WDR33: variants seen among roughly 807,000 people sequenced by gnomAD.
WDR33 encodes the protein pre-mRNA 3' end processing protein WDR33.
In WDR33, 47 loss-of-function variants were observed where a neutral mutation model predicts 164.9. The ratio of observed to expected loss-of-function variants is 0.29; its 90% CI spans 0.23 to 0.36. The LOEUF (loss-of-function observed/expected upper bound fraction) is 0.36, where lower values mean the gene tolerates loss of function less well. Among genes scored for constraint, WDR33 ranks in the 10% least tolerant of loss-of-function variants. The pLI, the probability that WDR33 is intolerant of heterozygous loss-of-function variation, is 1.00. For missense variants in WDR33, 1,137 were observed against 1,754.1 expected, an observed-to-expected ratio of 0.65 and a Z score of 6.28; for synonymous variants, 505 against 589.0, an observed-to-expected ratio of 0.86 and a Z score of 2.06.
At chr2:127,782,223 ATG>A (rs1688396690) in intron 1 of WDR33, among the ~76,000 whole-genome samples, 1 of 152,094 alleles carries the variant, frequency 6.6e-6, no homozygotes, top group African/African-American at 2.4e-5. Flanking sequence ...CCTGACCAAC[ATG>A]GTGACACCCT....
Position 127,706,285 on chromosome 2 carries a change from A to G in WDR33, c.*38T>C. The stretch of plus-strand genomic sequence containing the variant: ...GTGAGTCCACAAGAAGTTCTTACAT[A>G]CTGTCCAGAGAGGCCTCAGGGTACT... On this transcript the variant is annotated 3_prime_UTR_variant, in exon 22 of 22. Transcript: ENST00000322313. The surrounding 1 kb of genome is among the most constrained non-coding windows in gnomAD (Gnocchi z 5.1). 1 of 1,481,366 alleles carries G rather than the reference A, an allele frequency of 6.8e-7. No homozygotes were observed. Among genetic ancestry groups the G allele is most frequent in the Non-Finnish European group, 9.0e-7 (1 of 1,112,710 alleles). 91.8% of individuals were successfully genotyped at this position (1,481,366 alleles called of 1,614,324 possible).
chr2:127,781,953 G>A (rs1441071676), intron 1 of WDR33, among the ~76,000 whole-genome samples: 1 of 143,696 alleles, frequency 7.0e-6, no homozygotes, highest in Non-Finnish European at 1.5e-5. Context: ...AGCCAAGATT[G>A]CGCCATTGCA....
At chr2:127,761,879 A>G (rs1376128830) in intron 7 of WDR33, among the ~76,000 whole-genome samples, 1 of 152,220 alleles carries the variant, frequency 6.6e-6, no homozygotes, top group Non-Finnish European at 1.5e-5. Flanking sequence ...AGTACTGTGG[A>G]TAAACCCAAA....
chr2:127,782,093 A>G (rs980604721), intron 1 of WDR33, among the ~76,000 whole-genome samples: 1 of 151,094 alleles, frequency 6.6e-6, no homozygotes, highest in Non-Finnish European at 1.5e-5. Flanking sequence ...AAATTTGTGG[A>G]TCACTAAACT....
intron 1 of WDR33, among the ~76,000 whole-genome samples, chr2:127,788,516 G>C (rs1415860396): frequency 1.7e-4 from 17 of 99,078 alleles, no homozygotes; most frequent in African/African-American, 4.3e-4. Flanking sequence ...CTGGCCGGGT[G>C]GGGGGGCTGA....
At chr2:127,788,298 G>T (rs1573462907) in intron 1 of WDR33, among the ~76,000 whole-genome samples, 4 of 117,246 alleles carry the variant, frequency 3.4e-5, no homozygotes, top group Non-Finnish European at 5.5e-5. Context: ...GCGGGGGGCT[G>T]ACCCCCCCAC....
At chr2:127,752,740 T>C (rs931665140) in intron 7 of WDR33, among the ~76,000 whole-genome samples, 1 of 152,162 alleles carries the variant, frequency 6.6e-6, no homozygotes, top group Non-Finnish European at 1.5e-5. Context: ...AAAACATTTC[T>C]GAAGAAATAA....
intron 1 of WDR33, among the ~76,000 whole-genome samples, chr2:127,810,059 C>CACACATAT (rs1316124717): frequency 3.9e-5 from 4 of 103,872 alleles, no homozygotes; most frequent in African/African-American, 1.9e-4. Context: ...TACATACACA[C>CACACATAT]ACACATATAT....
At chr2:127,793,898 G>A (rs1214644276) in intron 1 of WDR33, among the ~76,000 whole-genome samples, 1 of 152,190 alleles carries the variant, frequency 6.6e-6, no homozygotes, top group Non-Finnish European at 1.5e-5. Context: ...ACTTTGGGAG[G>A]CCAAGGCAGG....
At chr2:127,791,109 T>C (rs1014966630) in intron 1 of WDR33, among the ~76,000 whole-genome samples, 12 of 151,670 alleles carry the variant, frequency 7.9e-5, no homozygotes, top group South Asian at 2.1e-4. Context: ...CTCAAGAAAA[T>C]TGCCCTACTT....
Position 127,764,463 on chromosome 2 carries a change from A to C in WDR33, c.626+365T>G, listed in dbSNP as rs1174652000. On this transcript the variant is annotated intron_variant, in intron 6 of 21. Transcript: ENST00000322313. The surrounding 1 kb of genome is among the most constrained non-coding windows in gnomAD (Gnocchi z 6.2). ...TTTCTGTAGGCTTTAGATTTTATTC[A>C]GTTGCATAATTAAAGACTGAATTCT... is the stretch of plus-strand genomic sequence containing the variant. 1.4e-5 allele frequency: 21 copies of C among 1,461,926 alleles called. No individual in the cohort carries two copies. Among genetic ancestry groups the C allele is most frequent in the Admixed American group, 2.9e-5 (1 of 34,606 alleles). The allele number at this position is 1,461,926 out of a possible 1,614,324, so 90.6% of individuals were successfully genotyped here. A position where few individuals can be genotyped will look rare whatever the true frequency, so the allele number is the denominator to read the frequency against.
At chr2:127,749,777 C>T (rs1428129777) in intron 7 of WDR33, among the ~76,000 whole-genome samples, 2 of 151,992 alleles carry the variant, frequency 1.3e-5, no homozygotes, top group African/African-American at 2.4e-5. Flanking sequence ...CAGTGTTTCT[C>T]GTCAGCAAGA....
In WDR33 at chr2:127,764,039, G is replaced by A; in HGVS notation, c.626+789C>T. On this transcript the variant is annotated intron_variant, in intron 6 of 21. Transcript: ENST00000322313. This position sits in a 1 kb window ranked among gnomAD's most constrained non-coding sequence, Gnocchi z 6.2. ...GTCAACCTCCTCCCACACATGGGTG[G>A]CACAACCTTAAAGAATGCTGCTTAG... 1 of 986,338 alleles carries A rather than the reference G, an allele frequency of 1.0e-6. No homozygotes were observed. The highest frequency in any genetic ancestry group is 5.2e-4 in the Middle Eastern group (1 of 1,914). The allele number at this position is 986,338 out of a possible 1,614,324, so 61.1% of individuals were successfully genotyped here. A position where few individuals can be genotyped will look rare whatever the true frequency, so the allele number is the denominator to read the frequency against.
In WDR33 at chr2:127,701,474, G is replaced by A. The variant is rs914964207; in HGVS notation, c.*4849C>T. 5 of 1,246,722 alleles carry A rather than the reference G, an allele frequency of 4.0e-6. No individual in the cohort carries two copies. The highest frequency in any genetic ancestry group is 3.2e-5 in the East Asian group (1 of 31,298). The allele number at this position is 1,246,722 out of a possible 1,614,324, so 77.2% of individuals were successfully genotyped here. A position where few individuals can be genotyped will look rare whatever the true frequency, so the allele number is the denominator to read the frequency against. ...GCCGCCCGAAGACCGAACCGCTTCA[G>A]CGGAGGGCCGGAAGTGAGCCGCAGC... On this transcript the variant is annotated 3_prime_UTR_variant, in exon 22 of 22. Transcript: ENST00000322313.
rs74629486 is a variant in WDR33, at chr2:127,709,888, C to T, written c.3309-32G>A. The T allele has an allele frequency of 1.9e-3, 3,084 of 1,607,574 alleles. 45 individuals carry two copies. The African/African-American group carries it at 0.031, about 16-fold the overall frequency. On this transcript the variant is annotated intron_variant, in intron 18 of 21. Coordinates refer to ENST00000322313, the MANE Select transcript of WDR33 (RefSeq NM_018383.5). This position sits in a 1 kb window ranked among gnomAD's most constrained non-coding sequence, Gnocchi z 5.0. Reference sequence around the variant, plus strand: ...AGAGAAAACAGCAGAATGTCCATCTCAGAGAACACCTTGCCACTCTAAGTT... The same window carrying T: ...AGAGAAAACAGCAGAATGTCCATCTTAGAGAACACCTTGCCACTCTAAGTT...
intron 8 of WDR33, among the ~76,000 whole-genome samples, chr2:127,725,735 A>AAAT (rs56352036): frequency 0.12 from 16,365 of 140,878 alleles, 1,082 homozygotes; most frequent in Non-Finnish European, 0.14. Context: ...CTCTGTCTCA[A>AAAT]AATAATAATA....
rs1033023571 is a variant in WDR33 at position 127,713,433 on chromosome 2, T to G, written c.3308+150A>C. ...CTAAGGTTAAAAAGCACACTTTTTT[T>G]AAACGTCCAAATGCAAACTCTACAG... is the stretch of plus-strand genomic sequence containing the variant. On this transcript the variant is annotated intron_variant, in intron 18 of 21. Coordinates refer to ENST00000322313, the MANE Select transcript of WDR33 (RefSeq NM_018383.5). This position sits in a 1 kb window ranked among gnomAD's most constrained non-coding sequence, Gnocchi z 6.2. The G allele has an allele frequency of 4.4e-6, 4 of 902,894 alleles. No individual in the cohort carries two copies. Among genetic ancestry groups the G allele is most frequent in the Non-Finnish European group, 6.7e-6 (4 of 593,302 alleles). 55.9% of individuals were successfully genotyped at this position (902,894 alleles called of 1,614,324 possible). A position where few individuals can be genotyped will look rare whatever the true frequency, so the allele number is the denominator to read the frequency against.
Position 127,722,926 on chromosome 2 carries a change from A to C in WDR33, c.1378+32T>G, listed in dbSNP as rs1441623113. On this transcript the variant is annotated intron_variant, in intron 13 of 21. Transcript: ENST00000322313. The surrounding 1 kb of genome is among the most constrained non-coding windows in gnomAD (Gnocchi z 5.1). ...TAAACGGGTCAAGAAAAAATTTGTAAAAATTAAATGTGTCTGTGTAACTTC... is the reference window on the plus strand; with the variant it reads ...TAAACGGGTCAAGAAAAAATTTGTACAAATTAAATGTGTCTGTGTAACTTC... 4.5e-6 allele frequency: 7 copies of C among 1,570,852 alleles called. No homozygotes were observed. Among genetic ancestry groups the C allele is most frequent in the Non-Finnish European group, 6.0e-6 (7 of 1,162,478 alleles).
chr2:127,748,775 G>C (rs982246105), intron 7 of WDR33, among the ~76,000 whole-genome samples: 6 of 151,338 alleles, frequency 4.0e-5, no homozygotes, highest in Admixed American at 1.3e-4. Flanking sequence ...CTGAGACAGG[G>C]TCTCATTCTG....
Sources: allele counts gnomAD v4.1 joint callset (sites outside exome capture counted in the v4.1 genomes callset), GRCh38; gene constraint gnomAD v4.1.1; non-coding constraint Gnocchi (gnomAD v3.1); transcripts MANE v1.5; gene names NCBI Gene and HGNC (gene_info 2026-07-23, HGNC 2026-07-21).